MROH1: variants seen among roughly 807,000 people sequenced by gnomAD.
The protein encoded by MROH1 is maestro heat like repeat family member 1, also known as maestro heat-like repeat-containing protein family member 1.
In MROH1, 117 loss-of-function variants were observed where a neutral mutation model predicts 116.5. That is an observed-to-expected ratio of 1.00 (90% CI 0.86 to 1.17). The LOEUF (loss-of-function observed/expected upper bound fraction) is 1.17. MROH1 is among the 50% of genes most tolerant of loss of function. The probability of loss-of-function intolerance (pLI) is 0.00; values close to 1 mark genes in which losing one functional copy is unlikely to be tolerated. For synonymous variants in MROH1, 921 were observed against 583.9 expected, an observed-to-expected ratio of 1.58 and a Z score of -8.32; for missense variants, 1,873 against 1,338.5, an observed-to-expected ratio of 1.40 and a Z score of -6.23.
intron 11 of MROH1, among the ~76,000 whole-genome samples, chr8:144,200,039 TG>T (rs1032138604): frequency 6.6e-6 from 1 of 152,170 alleles, no homozygotes; most frequent in Non-Finnish European, 1.5e-5. Flanking sequence ...CTGCTTGGGC[TG>T]GGGGTCTGTG....
Position 144,248,909 on chromosome 8 carries a change from C to T in MROH1, c.3153C>T (p.Leu1051=). ...IIAKRLPPDQ[L]ISLLLTMFEA... is the part of the protein sequence containing the mutation. ...CCAAGCGCCTCCCCCCAGACCAGCTCATCAGCCTCTTGCTAACCATGTTTG... is the reference window on the plus strand; with the variant it reads ...CCAAGCGCCTCCCCCCAGACCAGCTTATCAGCCTCTTGCTAACCATGTTTG... The change falls in exon 32 of 44, where the codon CTC becomes CTT. Residue 1051 remains leucine (L), a synonymous_variant. Coordinates refer to ENST00000326134, the MANE Select transcript of MROH1 (RefSeq NM_032450.3). 2.6e-6 allele frequency: 2 copies of T among 778,552 alleles called. No individual in the cohort carries two copies. Among genetic ancestry groups the T allele is most frequent in the Admixed American group, 3.4e-5 (2 of 58,798 alleles). 48.2% of individuals were successfully genotyped at this position (778,552 alleles called of 1,614,324 possible). A position where few individuals can be genotyped will look rare whatever the true frequency, so the allele number is the denominator to read the frequency against.
chr8:144,230,670 G>A (rs571472771), intron 14 of MROH1, among the ~76,000 whole-genome samples: 5 of 151,816 alleles, frequency 3.3e-5, no homozygotes, highest in Non-Finnish European at 5.9e-5. Context: ...TAGTTAGAAG[G>A]TGTTCCCTCC....
chr8:144,165,807 T>G (rs535890837), intron 3 of MROH1, among the ~76,000 whole-genome samples: 1 of 149,670 alleles, frequency 6.7e-6, no homozygotes. Flanking sequence ...GGTCTCAAAC[T>G]CCTGGACTTA....
chr8:144,256,808 CAA>C (rs1222782876), intron 35 of MROH1, among the ~76,000 whole-genome samples: 1 of 152,256 alleles, frequency 6.6e-6, no homozygotes, highest in African/African-American at 2.4e-5. Context: ...ATTCGTGAGC[CAA>C]ACACACGCTT....
Position 144,225,957 on chromosome 8 carries a change from C to A in MROH1, c.1338+2727C>A, listed in dbSNP as rs1257919627. On this transcript the variant is annotated intron_variant, in intron 14 of 43. Transcript: ENST00000326134. ...TTAGGTGGCGTCTCACCCTATTGCC[C>A]AGGCTGGAGTGCAATGGCGTGATCT... is the stretch of plus-strand genomic sequence containing the variant. Among the ~76,000 whole-genome samples, 5 of 146,766 alleles carry A rather than the reference C, an allele frequency of 3.4e-5. No individual in the cohort carries two copies. In the Admixed American group the frequency reaches 3.5e-4, roughly 10 times the overall value.
In MROH1 at chr8:144,240,431, G is replaced by T; in HGVS notation, c.1828-139G>T. The T allele has an allele frequency of 7.2e-6, 5 of 690,212 alleles. No homozygotes were observed. In the Admixed American group the frequency reaches 1.0e-4, roughly 14 times the overall value. 42.8% of individuals were successfully genotyped at this position (690,212 alleles called of 1,614,324 possible). Reference sequence around the variant, plus strand: ...ACTGTGGCATGGCTGTCCCCTGAGGGTTGGCTCTGCCGCCCCCGGCCTCCG... The same window carrying T: ...ACTGTGGCATGGCTGTCCCCTGAGGTTTGGCTCTGCCGCCCCCGGCCTCCG... On this transcript the variant is annotated intron_variant, in intron 19 of 43. Transcript: ENST00000326134.
At chr8:144,211,128 C>T (rs1834003873) in intron 12 of MROH1, among the ~76,000 whole-genome samples, 1 of 152,178 alleles carries the variant, frequency 6.6e-6, no homozygotes, top group Non-Finnish European at 1.5e-5. Context: ...TGTCAAGGTG[C>T]AAGTCAACAT....
intron 7 of MROH1, among the ~76,000 whole-genome samples, chr8:144,181,957 C>T (rs1179761522): frequency 6.6e-6 from 1 of 152,224 alleles, no homozygotes; most frequent in African/African-American, 2.4e-5. Context: ...CCTGCGGCTC[C>T]TCTGGGCCCT....
At chr8:144,239,215 GC>G in intron 16 of MROH1, 36 bp downstream of exon 16, 2 of 679,866 alleles carry the variant, frequency 2.9e-6, no homozygotes. Context: ...CCCCACTCCT[GC>G]CCCCACTTCC....
At chr8:144,187,444 C>A (rs972812031) in intron 7 of MROH1, among the ~76,000 whole-genome samples, 7 of 152,094 alleles carry the variant, frequency 4.6e-5, no homozygotes, top group Non-Finnish European at 1.5e-5. Flanking sequence ...CCTACAATCA[C>A]CCACACAGAC....
At chr8:144,260,471 C>T in intron 39 of MROH1, 97 bp downstream of exon 39, 1 of 697,056 alleles carries the variant, frequency 1.4e-6, no homozygotes, top group Non-Finnish European at 2.6e-6. Context: ...CCCTGTCTCC[C>T]ACCTCGGCTA....
intron 4 of MROH1, among the ~76,000 whole-genome samples, chr8:144,178,320 C>T (rs981871787): frequency 2.6e-5 from 4 of 151,958 alleles, no homozygotes; most frequent in Non-Finnish European, 4.4e-5. Flanking sequence ...TTAGTAGAGA[C>T]GGGGTTTCAC....
At chr8:144,242,908 C>T (rs1297738783) in intron 24 of MROH1, among the ~76,000 whole-genome samples, 1 of 152,210 alleles carries the variant, frequency 6.6e-6, no homozygotes, top group Non-Finnish European at 1.5e-5. Flanking sequence ...CGTCCCAGGA[C>T]AGCTGGAACC....
chr8:144,180,349 C>T lies in MROH1; in HGVS notation c.463+9C>T, dbSNP rs771757369. The T allele has an allele frequency of 2.4e-5, 38 of 1,605,636 alleles. No individual in the cohort carries two copies. The highest frequency in any genetic ancestry group is 5.5e-5 in the South Asian group (5 of 90,816). ...CCTCTCGGTGGCCAACGGTAGGTGACGCGCGGCCTGCCCCAGGAGGAGCAC... is the reference window on the plus strand; with the variant it reads ...CCTCTCGGTGGCCAACGGTAGGTGATGCGCGGCCTGCCCCAGGAGGAGCAC... On this transcript the variant is annotated intron_variant, in intron 6 of 43. Coordinates refer to ENST00000326134, the MANE Select transcript of MROH1 (RefSeq NM_032450.3). This position sits in a 1 kb window ranked among gnomAD's most constrained non-coding sequence, Gnocchi z 7.4.
chr8:144,200,658 A>T, intron 12 of MROH1, 117 bp downstream of exon 12: 1 of 777,544 alleles, frequency 1.3e-6, no homozygotes, highest in Non-Finnish European at 2.1e-6. Flanking sequence ...TTCTCTAGAA[A>T]GATTTCCCTA....
chr8:144,208,524 G>A (rs1232038562), intron 12 of MROH1, among the ~76,000 whole-genome samples: 1 of 151,704 alleles, frequency 6.6e-6, no homozygotes, highest in African/African-American at 2.4e-5. Flanking sequence ...TTGGATGAAG[G>A]GCCCACCCTA....
chr8:144,250,272 C>G lies in MROH1; in HGVS notation c.3334C>G (p.Leu1112Val). The part of the protein sequence containing the change: ...KLQEAQGEHV[L>V]PAAQHSVYLL... ...TCAGGAGGCCCAGGGAGAGCACGTC[C>G]TGCCGGCCGCCCAGCACAGCGTGTA... The change falls in exon 33 of 44, where the codon CTG becomes GTG. Residue 1112 changes from leucine to valine, a missense_variant. Transcript: ENST00000326134. The G allele has an allele frequency of 1.3e-6, 1 of 767,332 alleles. No homozygotes were observed. The highest frequency in any genetic ancestry group is 2.4e-6 in the Non-Finnish European group (1 of 416,146). 47.5% of individuals were successfully genotyped at this position (767,332 alleles called of 1,614,324 possible). A position where few individuals can be genotyped will look rare whatever the true frequency, so the allele number is the denominator to read the frequency against.
At chr8:144,253,867 G>A (rs920768898) in intron 33 of MROH1, among the ~76,000 whole-genome samples, 495 of 152,126 alleles carry the variant, frequency 3.3e-3, no homozygotes, top group African/African-American at 0.012. Flanking sequence ...AGAGCCAGGT[G>A]AAGTCTCCTA....
intron 14 of MROH1, among the ~76,000 whole-genome samples, chr8:144,230,036 A>AAAT (rs35362416): frequency 0.41 from 61,689 of 150,024 alleles, 14,926 homozygotes; most frequent in East Asian, 0.71. Context: ...TCTGTCTCAA[A>AAAT]AATAATAATA....
Sources: allele counts gnomAD v4.1 joint callset (sites outside exome capture counted in the v4.1 genomes callset), GRCh38; gene constraint gnomAD v4.1.1; non-coding constraint Gnocchi (gnomAD v3.1); transcripts MANE v1.5; gene names NCBI Gene and HGNC (gene_info 2026-07-23, HGNC 2026-07-21).